ARRB1: variants seen among roughly 807,000 people sequenced by gnomAD.
ARRB1 encodes arrestin beta 1.
Under a neutral mutation model 56.8 loss-of-function variants are expected in ARRB1, and 21 were observed. The ratio of observed to expected loss-of-function variants is 0.37; its 90% confidence interval spans 0.26 to 0.53. The LOEUF is 0.53. Among genes scored for constraint, ARRB1 ranks in the 20% least tolerant of loss-of-function variants. The pLI, the probability that ARRB1 is intolerant of heterozygous loss-of-function variation, is 0.88. For missense variants in ARRB1, 424 were observed against 553.7 expected (o/e 0.77, Z 2.35); for synonymous variants, 210 against 218.6 (o/e 0.96, Z 0.35).
intron 1 of ARRB1, among the ~76,000 whole-genome samples, chr11:75,312,864 G>A (rs932826489): frequency 2.8e-4 from 43 of 152,228 alleles, no homozygotes; most frequent in African/African-American, 7.5e-4. Context: ...ATGGATCCCC[G>A]CTAGAGTTTC....
intron 1 of ARRB1, among the ~76,000 whole-genome samples, chr11:75,351,150 C>A (rs1947844054): frequency 6.6e-6 from 1 of 152,204 alleles, no homozygotes. Context: ...GCTGTGCATG[C>A]CAACAAGGCT....
intron 1 of ARRB1, among the ~76,000 whole-genome samples, chr11:75,297,779 C>T (rs1326694005): frequency 7.3e-6 from 1 of 136,056 alleles, no homozygotes; most frequent in Non-Finnish European, 1.5e-5. Context: ...GCAGGAGAAT[C>T]GCTTGAACCC....
intron 5 of ARRB1, chr11:75,282,239 G>A: frequency 3.8e-6 from 2 of 522,664 alleles, no homozygotes; most frequent in South Asian, 5.5e-5. Context: ...AGTCCTCGCA[G>A]CAATGGTTTA....
intron 2 of ARRB1, among the ~76,000 whole-genome samples, chr11:75,287,849 C>T (rs1216798022): frequency 3.3e-5 from 5 of 152,306 alleles, no homozygotes; most frequent in Non-Finnish European, 5.9e-5. Context: ...TACGAGGACT[C>T]GTTTCCTTTT....
chr11:75,297,864 C>CAAAAAA (rs34831668), intron 1 of ARRB1, among the ~76,000 whole-genome samples: 786 of 29,250 alleles, frequency 0.027, 150 homozygotes, highest in African/African-American at 0.071. Context: ...GACTTTGTCT[C>CAAAAAA]AAAAAAAAAA....
intron 12 of ARRB1, 159 bp downstream of exon 12, chr11:75,272,736 A>AGAGGAACAGAAGG: frequency 1.6e-6 from 1 of 640,548 alleles, no homozygotes. Flanking sequence ...CGGGGGAGAA[A>AGAGGAACAGAAGG]GAGGAACAGA....
chr11:75,272,757 A>T (rs1213982852), intron 12 of ARRB1, 138 bp downstream of exon 12: 5 of 726,614 alleles, frequency 6.9e-6, no homozygotes, highest in Non-Finnish European at 9.2e-6. Context: ...AGGGAGGAAA[A>T]GAAGGGACAG....
At chr11:75,330,158 T>G (rs1410738973) in intron 1 of ARRB1, among the ~76,000 whole-genome samples, 1 of 152,240 alleles carries the variant, frequency 6.6e-6, no homozygotes, top group Non-Finnish European at 1.5e-5. Context: ...CCTACACAGC[T>G]GCCACGTGAA....
intron 1 of ARRB1, among the ~76,000 whole-genome samples, chr11:75,331,501 C>T (rs1947518421): frequency 6.6e-6 from 1 of 152,172 alleles, no homozygotes; most frequent in African/African-American, 2.4e-5. Flanking sequence ...TGAAAATGGC[C>T]TGTTCCTGCC....
chr11:75,315,287 T>C (rs747221), intron 1 of ARRB1, among the ~76,000 whole-genome samples: 90,118 of 151,772 alleles, frequency 0.59, 27,000 homozygotes, highest in Admixed American at 0.63. Flanking sequence ...ACCACCTCGC[T>C]ATGGGACAGC....
intron 1 of ARRB1, among the ~76,000 whole-genome samples, chr11:75,296,897 C>T (rs1026579602): frequency 3.3e-5 from 5 of 152,040 alleles, no homozygotes; most frequent in East Asian, 1.9e-4. Context: ...AGGGTGGTCT[C>T]GAACTTCTAA....
chr11:75,260,941 C>G lies in ARRB1; in HGVS notation c.*5222G>C, dbSNP rs1945773465. 1 of 152,136 alleles carries G rather than the reference C, an allele frequency of 6.6e-6. No homozygotes were observed. Among genetic ancestry groups the G allele is most frequent in the Non-Finnish European group, 1.5e-5 (1 of 68,076 alleles). 9.4% of individuals were successfully genotyped at this position (152,136 alleles called of 1,614,324 possible). A position where few individuals can be genotyped will look rare whatever the true frequency, so the allele number is the denominator to read the frequency against. On this transcript the variant is annotated 3_prime_UTR_variant, in exon 16 of 16. Coordinates refer to ENST00000420843, the MANE Select transcript of ARRB1 (RefSeq NM_004041.5). ...AATTTAACCCTAGCCTCTCTCCTATCACACTGCTTCTCCTGCTGTGTCCCT... is the reference window on the plus strand; with the variant it reads ...AATTTAACCCTAGCCTCTCTCCTATGACACTGCTTCTCCTGCTGTGTCCCT...
chr11:75,303,262 A>G (rs923182751), intron 1 of ARRB1, among the ~76,000 whole-genome samples: 3 of 152,136 alleles, frequency 2.0e-5, no homozygotes, highest in South Asian at 2.1e-4. Context: ...TCAGCCTCCC[A>G]AAGTGTTGGG....
chr11:75,264,369 G>A lies in ARRB1; in HGVS notation c.*1794C>T, dbSNP rs1380764902. On this transcript the variant is annotated 3_prime_UTR_variant, in exon 16 of 16. Coordinates refer to ENST00000420843, the MANE Select transcript of ARRB1 (RefSeq NM_004041.5). ...GATGGAAGGGAGCAGAAACTGAGGA[G>A]AGAGCCCTTGTCCTGCTAATCAATA... 1 of 152,278 alleles carries A rather than the reference G, an allele frequency of 6.6e-6. No individual in the cohort carries two copies. The highest frequency in any genetic ancestry group is 2.4e-5 in the African/African-American group (1 of 41,458). 9.4% of individuals were successfully genotyped at this position (152,278 alleles called of 1,614,324 possible). A position where few individuals can be genotyped will look rare whatever the true frequency, so the allele number is the denominator to read the frequency against.
intron 9 of ARRB1, 58 bp downstream of exon 9, chr11:75,277,306 C>G: frequency 6.5e-7 from 1 of 1,542,294 alleles, no homozygotes; most frequent in Non-Finnish European, 9.0e-7. Flanking sequence ...CAGCCACCCC[C>G]AGCCCTTGGG....
chr11:75,305,738 T>A (rs1223689563), intron 1 of ARRB1, among the ~76,000 whole-genome samples: 1 of 151,920 alleles, frequency 6.6e-6, no homozygotes, highest in Non-Finnish European at 1.5e-5. Context: ...TGTGGTCGTG[T>A]GCACGCACTC....
chr11:75,277,269 C>T, intron 9 of ARRB1, 95 bp downstream of exon 9: 1 of 1,289,086 alleles, frequency 7.8e-7, no homozygotes, highest in Non-Finnish European at 1.1e-6. Flanking sequence ...ATTTTTTATA[C>T]AAGGCTGTTA....
intron 1 of ARRB1, among the ~76,000 whole-genome samples, chr11:75,350,310 A>C (rs1246173560): frequency 6.6e-6 from 1 of 152,138 alleles, no homozygotes; most frequent in East Asian, 1.9e-4. Context: ...TTGATCCCCC[A>C]CACTACGCCT....
At chr11:75,288,645 T>TCC (rs1946538182) in intron 2 of ARRB1, among the ~76,000 whole-genome samples, 2 of 146,656 alleles carry the variant, frequency 1.4e-5, no homozygotes, top group Non-Finnish European at 3.0e-5. Flanking sequence ...AGATGGAGTC[T>TCC]CCCTCTGTCG....
Sources: gnomAD v4.1 joint callset for allele counts (sites outside exome capture counted in the v4.1 genomes callset) on GRCh38, gnomAD v4.1.1 for gene constraint, MANE v1.5 for transcripts, NCBI Gene and HGNC (gene_info 2026-07-23, HGNC 2026-07-21) for gene names.